IRAK1BP1: variants seen among roughly 807,000 people sequenced by gnomAD.
IRAK1BP1 encodes the protein interleukin 1 receptor associated kinase 1 binding protein 1, also known as interleukin-1 receptor-associated kinase 1-binding protein 1.
A neutral mutation model predicts 28.0 loss-of-function variants in IRAK1BP1; 24 were observed. That is an observed-to-expected ratio of 0.86 (90% confidence interval 0.62 to 1.20). The LOEUF is 1.20. Among genes scored for constraint, IRAK1BP1 ranks in the 50% most tolerant of loss-of-function variants. The pLI is 0.00. For synonymous variants in IRAK1BP1, 131 were observed against 116.3 expected (o/e 1.13, Z -0.81); for missense variants, 336 against 316.7 (o/e 1.06, Z -0.46).
chr6:78,945,733 C>A (rs1773778202), exon 5 of IRAK1BP1: 4 of 599,588 alleles, frequency 6.7e-6, no homozygotes, highest in Non-Finnish European at 1.2e-5. Flanking sequence ...CAAGTCTTGG[C>A]AAATTGCTAG....
chr6:78,970,979 A>G, the IRAK1BP1 span: 3 of 799,128 alleles, frequency 3.8e-6, no homozygotes, highest in Non-Finnish European at 6.0e-6. Flanking sequence ...GAGAAAATCT[A>G]ATGCCTTTTC....
chr6:78,971,719 G>A, the IRAK1BP1 span, among the ~76,000 whole-genome samples: 1 of 152,200 alleles, frequency 6.6e-6, no homozygotes, highest in East Asian at 1.9e-4. Flanking sequence ...CACTCAGGAA[G>A]CACAGGGAGT....
intron 1 of IRAK1BP1, among the ~76,000 whole-genome samples, chr6:78,879,191 G>A (rs1285762849): frequency 1.3e-5 from 2 of 151,970 alleles, no homozygotes; most frequent in Admixed American, 1.3e-4. Context: ...CACACACCAG[G>A]GCCTGTCTTG....
intron 1 of IRAK1BP1, among the ~76,000 whole-genome samples, chr6:78,870,674 C>T (rs1770764790): frequency 6.6e-6 from 1 of 152,072 alleles, no homozygotes; most frequent in South Asian, 2.1e-4. Flanking sequence ...AACCAACAAA[C>T]ATTAAGCCTT....
At chr6:78,890,125 A>G (rs1365788596) in intron 2 of IRAK1BP1, among the ~76,000 whole-genome samples, 2 of 152,148 alleles carry the variant, frequency 1.3e-5, no homozygotes, top group South Asian at 2.1e-4. Flanking sequence ...TTGCGGGGAC[A>G]TGGATGAAGC....
downstream of IRAK1BP1, among the ~76,000 whole-genome samples, chr6:78,951,408 T>C (rs2050661): frequency 0.45 from 68,977 of 151,968 alleles, 16,252 homozygotes; most frequent in East Asian, 0.69. Context: ...CTTTGAATAT[T>C]TGATTAAACT....
chr6:78,903,599 A>G (rs1182137199), downstream of IRAK1BP1, among the ~76,000 whole-genome samples: 3 of 152,092 alleles, frequency 2.0e-5, no homozygotes, highest in Non-Finnish European at 1.5e-5. Flanking sequence ...TGAAAAGCCC[A>G]GGTGGCAGGT....
the IRAK1BP1 span, among the ~76,000 whole-genome samples, chr6:78,972,291 A>G: frequency 6.6e-6 from 1 of 152,176 alleles, no homozygotes; most frequent in Non-Finnish European, 1.5e-5. Flanking sequence ...ACTGCAGGGT[A>G]CTCCAACAGA....
the IRAK1BP1 span, among the ~76,000 whole-genome samples, chr6:78,972,023 A>AC: frequency 6.6e-6 from 1 of 152,214 alleles, no homozygotes; most frequent in Admixed American, 6.5e-5. Flanking sequence ...GGTGGAGCCC[A>AC]CCACAGCTCA....
At chr6:78,971,998 G>T in the IRAK1BP1 span, among the ~76,000 whole-genome samples, 3 of 150,626 alleles carry the variant, frequency 2.0e-5, no homozygotes, top group Non-Finnish European at 3.0e-5. Context: ...CAAAGCAGCC[G>T]GGAAGCTCGA....
the IRAK1BP1 span, chr6:78,978,585 A>T: frequency 6.4e-7 from 1 of 1,570,074 alleles, no homozygotes; most frequent in Non-Finnish European, 8.7e-7. Flanking sequence ...TAAAACTTTT[A>T]AAGTACCTCA....
chr6:78,925,889 G>A (rs1772874727), intron 4 of IRAK1BP1, among the ~76,000 whole-genome samples: 4 of 152,100 alleles, frequency 2.6e-5, no homozygotes, highest in Admixed American at 2.6e-4. Flanking sequence ...GTCCTTTGCA[G>A]CAACGTGGAT....
At chr6:78,904,083 G>A (rs1479080247), downstream of IRAK1BP1, among the ~76,000 whole-genome samples, 2 of 152,196 alleles carry the variant, frequency 1.3e-5, no homozygotes, top group Non-Finnish European at 2.9e-5. Context: ...ACTGTTTATG[G>A]CAAAGTTACC....
chr6:78,872,043 C>A, intron 1 of IRAK1BP1: 1 of 681,640 alleles, frequency 1.5e-6, no homozygotes, highest in Non-Finnish European at 2.7e-6. Context: ...CAGCAGCCTT[C>A]ATCTGAAGGC....
chr6:78,915,436 A>C (rs1395410448), intron 4 of IRAK1BP1, among the ~76,000 whole-genome samples: 8 of 152,146 alleles, frequency 5.3e-5, no homozygotes. Flanking sequence ...ACAGAGTTTC[A>C]CCTGCAGGGA....
intron 4 of IRAK1BP1, chr6:78,939,239 T>C (rs1446763291): frequency 6.6e-6 from 1 of 151,788 alleles, no homozygotes; most frequent in Non-Finnish European, 1.5e-5. Context: ...CATATAGTTA[T>C]CATTTACAAT....
intron 4 of IRAK1BP1, among the ~76,000 whole-genome samples, chr6:78,918,125 C>G (rs1772609399): frequency 1.3e-5 from 2 of 151,962 alleles, no homozygotes; most frequent in Non-Finnish European, 2.9e-5. Context: ...TAGAGGGATC[C>G]CATCTCTATA....
chr6:78,971,627 T>G, the IRAK1BP1 span, among the ~76,000 whole-genome samples: 1 of 152,028 alleles, frequency 6.6e-6, no homozygotes, highest in East Asian at 1.9e-4. Context: ...CGGGTTCATC[T>G]CACTAGGGAG....
chr6:78,885,547 TAGA>T (rs1310036792), intron 2 of IRAK1BP1, 104 bp downstream of exon 2: 33 of 545,796 alleles, frequency 6.0e-5, no homozygotes, highest in Non-Finnish European at 9.9e-5. Context: ...ATGATATTAA[TAGA>T]AGATTATTTT....
Sources: gnomAD v4.1 joint callset for allele counts (sites outside exome capture counted in the v4.1 genomes callset) on GRCh38, gnomAD v4.1.1 for gene constraint, MANE v1.5 for transcripts, NCBI Gene and HGNC (gene_info 2026-07-23, HGNC 2026-07-21) for gene names.